Variants in CNTNAP2 observed in about 807,000 individuals in gnomAD.
CNTNAP2 encodes the protein contactin associated protein 2.
In CNTNAP2, 98 loss-of-function variants were observed where a neutral mutation model predicts 155.2. That is an observed-to-expected ratio of 0.63 (90% CI 0.54 to 0.75). The LOEUF (loss-of-function observed/expected upper bound fraction) is 0.75, where lower values mean the gene tolerates loss of function less well. Ranked by LOEUF, CNTNAP2 falls within the 30% of genes least tolerant of loss-of-function variation. The pLI, the probability that CNTNAP2 is intolerant of heterozygous loss-of-function variation, is 0.00. For synonymous variants in CNTNAP2, 651 were observed against 631.2 expected (o/e 1.03, Z -0.47); for missense variants, 1,727 against 1,688.1 (o/e 1.02, Z -0.40).
intron 13 of CNTNAP2, among the ~76,000 whole-genome samples, chr7:147,653,997 C>T (rs950923708): frequency 3.3e-5 from 5 of 152,172 alleles, no homozygotes; most frequent in East Asian, 1.9e-4. Flanking sequence ...AATATGTAAA[C>T]GAGGACAAAC....
At chr7:146,222,541 A>AGTGTGTGTGTGT (rs10616515) in intron 1 of CNTNAP2, among the ~76,000 whole-genome samples, 276 of 147,370 alleles carry the variant, frequency 1.9e-3, no homozygotes, top group African/African-American at 6.7e-3. Flanking sequence ...ACTAAAGCAT[A>AGTGTGTGTGTGT]GTGTGTGTGT....
chr7:148,029,789 C>A (rs1187115060), intron 15 of CNTNAP2, among the ~76,000 whole-genome samples: 1 of 152,146 alleles, frequency 6.6e-6, no homozygotes, highest in Non-Finnish European at 1.5e-5. Flanking sequence ...TGAGAACTAT[C>A]TAACTGTCTG....
intron 11 of CNTNAP2, among the ~76,000 whole-genome samples, chr7:147,547,515 A>T (rs1316145098): frequency 6.6e-6 from 1 of 152,090 alleles, no homozygotes; most frequent in Non-Finnish European, 1.5e-5. Context: ...TCATTCAGAT[A>T]AGCTACCTTT....
At chr7:147,136,841 T>G (rs187669956) in intron 8 of CNTNAP2, among the ~76,000 whole-genome samples, 11 of 151,946 alleles carry the variant, frequency 7.2e-5, no homozygotes, top group African/African-American at 2.6e-4. Flanking sequence ...TTACTGAAAA[T>G]TTTTTTTCAG....
intron 3 of CNTNAP2, among the ~76,000 whole-genome samples, chr7:146,859,028 A>G (rs1285415772): frequency 6.6e-6 from 1 of 152,198 alleles, no homozygotes; most frequent in Non-Finnish European, 1.5e-5. Flanking sequence ...CCAAGTGCTG[A>G]CACTATATGT....
intron 1 of CNTNAP2, among the ~76,000 whole-genome samples, chr7:146,773,013 G>T (rs1471171530): frequency 1.3e-5 from 2 of 152,126 alleles, no homozygotes; most frequent in Admixed American, 6.5e-5. Context: ...TGTAGCTATG[G>T]AGTTGAAGTG....
Position 147,179,041 on chromosome 7 carries a change from G to A in CNTNAP2, c.1348+46532G>A, listed in dbSNP as rs142302569. Among the ~76,000 whole-genome samples, 46 of 152,120 alleles carry A rather than the reference G, an allele frequency of 3.0e-4. 5 individuals carry two copies. In the East Asian group the frequency reaches 8.5e-3, roughly 28 times the overall value. On this transcript the variant is annotated intron_variant, in intron 8 of 23. Transcript: ENST00000361727. ...CACTCATCCCAACTGCAGTGCTGTGGCCTTGTGATTGTCATCTAACCTTTC... is the reference window on the plus strand; with the variant it reads ...CACTCATCCCAACTGCAGTGCTGTGACCTTGTGATTGTCATCTAACCTTTC...
At chr7:147,054,847 A>C (rs1296551223) in intron 4 of CNTNAP2, among the ~76,000 whole-genome samples, 1 of 152,154 alleles carries the variant, frequency 6.6e-6, no homozygotes, top group Non-Finnish European at 1.5e-5. Flanking sequence ...CAGATCTTTT[A>C]TAGTTAGACT....
At chr7:148,215,642 T>C (rs1795623632) in intron 18 of CNTNAP2, among the ~76,000 whole-genome samples, 1 of 152,010 alleles carries the variant, frequency 6.6e-6, no homozygotes, top group Admixed American at 6.6e-5. Flanking sequence ...GTCTTTGTAA[T>C]AATAGTTCAC....
intron 3 of CNTNAP2, among the ~76,000 whole-genome samples, chr7:146,995,356 C>G (rs530005733): frequency 6.6e-6 from 1 of 152,018 alleles, no homozygotes; most frequent in Non-Finnish European, 1.5e-5. Context: ...ATACCATTAA[C>G]AAAAGTGTTA....
rs945888791 is a variant in CNTNAP2 at position 147,407,247 on chromosome 7, T to C, written c.1670+11467T>C. Among the ~76,000 whole-genome samples the C allele has an allele frequency of 2.0e-5, 3 of 152,030 alleles. No individual in the cohort carries two copies. In the East Asian group the frequency reaches 5.8e-4, roughly 29 times the overall value. On this transcript the variant is annotated intron_variant, in intron 10 of 23. Coordinates refer to ENST00000361727, the MANE Select transcript of CNTNAP2 (RefSeq NM_014141.6). Reference sequence around the variant, plus strand: ...ACTTTGGGAGGCCGAGGCGGGCAGATCACGAGGTCAGGAGATCGAGACCAT... The same window carrying C: ...ACTTTGGGAGGCCGAGGCGGGCAGACCACGAGGTCAGGAGATCGAGACCAT...
chr7:146,707,042 A>G (rs1372547939), intron 1 of CNTNAP2, among the ~76,000 whole-genome samples: 1 of 152,172 alleles, frequency 6.6e-6, no homozygotes, highest in Non-Finnish European at 1.5e-5. Flanking sequence ...AAAATTAGCC[A>G]CGTCGTAAAA....
intron 1 of CNTNAP2, among the ~76,000 whole-genome samples, chr7:146,450,413 G>A (rs1197226200): frequency 1.3e-5 from 2 of 152,172 alleles, no homozygotes; most frequent in African/African-American, 4.8e-5. Context: ...GGGTGGGCAG[G>A]ATTTACTCAT....
At chr7:147,898,203 C>T (rs577765653) in intron 13 of CNTNAP2, among the ~76,000 whole-genome samples, 55 of 152,328 alleles carry the variant, frequency 3.6e-4, no homozygotes, top group Non-Finnish European at 6.3e-4. Flanking sequence ...TTTTCAAATT[C>T]AGAGGGCTTG....
At chr7:147,639,338 A>T (rs1192323063) in intron 13 of CNTNAP2, 32 bp downstream of exon 13, 1 of 1,599,278 alleles carries the variant, frequency 6.3e-7, no homozygotes, top group East Asian at 2.2e-5. Flanking sequence ...ACTTTTAATC[A>T]CTATCTCAGC....
At chr7:148,137,110 C>T (rs1333310055) in intron 16 of CNTNAP2, among the ~76,000 whole-genome samples, 1 of 152,162 alleles carries the variant, frequency 6.6e-6, no homozygotes, top group Non-Finnish European at 1.5e-5. Context: ...TCTACTAACT[C>T]TTCTACAACT....
At chr7:148,183,649 GT>G (rs1308926043) in intron 18 of CNTNAP2, among the ~76,000 whole-genome samples, 5 of 151,644 alleles carry the variant, frequency 3.3e-5, no homozygotes, top group African/African-American at 4.8e-5. Flanking sequence ...ACCCTGCTAA[GT>G]TTTTAATTTT....
chr7:146,473,928 C>G (rs10255626), intron 1 of CNTNAP2, among the ~76,000 whole-genome samples: 25,827 of 152,072 alleles, frequency 0.17, 3,273 homozygotes, highest in African/African-American at 0.36. Context: ...TTGTGTCCAC[C>G]GTACAAAAAT....
intron 11 of CNTNAP2, among the ~76,000 whole-genome samples, chr7:147,511,067 A>G (rs1799011023): frequency 6.6e-6 from 1 of 151,582 alleles, no homozygotes; most frequent in African/African-American, 2.4e-5. Context: ...ATCCCTTCTG[A>G]TTCATAAGGT....
Sources: allele counts gnomAD v4.1 joint callset (sites outside exome capture counted in the v4.1 genomes callset), GRCh38; gene constraint gnomAD v4.1.1; transcripts MANE v1.5; gene names NCBI Gene and HGNC (gene_info 2026-07-23, HGNC 2026-07-21).